Variants in TECRL observed in about 807,000 individuals in gnomAD.
TECRL encodes the protein trans-2,3-enoyl-CoA reductase like.
Under a neutral mutation model 52.8 loss-of-function variants are expected in TECRL, and 63 were observed. That is an observed-to-expected ratio of 1.19 (90% CI 0.97 to 1.47). The LOEUF is 1.47. TECRL is among the 40% of genes most tolerant of loss of function. The pLI, the probability that TECRL is intolerant of heterozygous loss-of-function variation, is 0.00. For synonymous variants in TECRL, 164 were observed against 141.9 expected, an observed-to-expected ratio of 1.16 and a Z score of -1.10; for missense variants, 482 against 429.6, an observed-to-expected ratio of 1.12 and a Z score of -1.08.
At chr4:64,403,824 A>G (rs2109788659) in intron 1 of TECRL, among the ~76,000 whole-genome samples, 1 of 151,628 alleles carries the variant, frequency 6.6e-6, no homozygotes, top group African/African-American at 2.4e-5. Context: ...TATGAGGAAG[A>G]GGCAGAAGAG....
At chr4:64,276,943 A>G (rs549310996), downstream of TECRL, 1 of 963,354 alleles carries the variant, frequency 1.0e-6, no homozygotes, top group Non-Finnish European at 1.5e-6. Flanking sequence ...TAAAGGCTAA[A>G]AATGTGTACA....
chr4:64,402,307 G>A (rs1160037599), intron 1 of TECRL, among the ~76,000 whole-genome samples: 3 of 151,580 alleles, frequency 2.0e-5, no homozygotes. Context: ...TGATACATTT[G>A]TAAAATACAA....
intron 2 of TECRL, among the ~76,000 whole-genome samples, chr4:64,330,367 G>C (rs1015833075): frequency 6.6e-6 from 1 of 152,038 alleles, no homozygotes; most frequent in African/African-American, 2.4e-5. Flanking sequence ...ATGATTGACA[G>C]GATATATATG....
At chr4:64,376,421 T>A (rs967220219) in intron 1 of TECRL, among the ~76,000 whole-genome samples, 56 of 152,062 alleles carry the variant, frequency 3.7e-4, no homozygotes, top group African/African-American at 1.3e-3. Flanking sequence ...TGCTCTTCTC[T>A]GAAAGATGTT....
chr4:64,369,504 C>A (rs1721838959), intron 2 of TECRL, among the ~76,000 whole-genome samples: 1 of 151,944 alleles, frequency 6.6e-6, no homozygotes, highest in African/African-American at 2.4e-5. Context: ...AATAACCTTT[C>A]TCAAGTAAAA....
At chr4:64,395,230 T>C (rs1389001346) in intron 1 of TECRL, among the ~76,000 whole-genome samples, 1 of 152,086 alleles carries the variant, frequency 6.6e-6, no homozygotes, top group African/African-American at 2.4e-5. Context: ...AAACGTGAAT[T>C]TTTTTAAGCC....
chr4:64,371,283 C>T (rs1183982220), intron 2 of TECRL, among the ~76,000 whole-genome samples: 1 of 150,540 alleles, frequency 6.6e-6, no homozygotes, highest in Non-Finnish European at 1.5e-5. Context: ...ATACAATTAC[C>T]TTATCATTAT....
chr4:64,370,582 C>A (rs901545483), intron 2 of TECRL, among the ~76,000 whole-genome samples: 2 of 151,680 alleles, frequency 1.3e-5, no homozygotes, highest in African/African-American at 2.4e-5. Flanking sequence ...CTAGTCCACA[C>A]AAAATCAGTG....
intron 2 of TECRL, among the ~76,000 whole-genome samples, chr4:64,364,158 C>T (rs1428916353): frequency 6.6e-6 from 1 of 151,890 alleles, no homozygotes; most frequent in Non-Finnish European, 1.5e-5. Context: ...TCCTGAATAA[C>T]TTTTGGGTAA....
chr4:64,366,403 A>T (rs144250818), intron 2 of TECRL, among the ~76,000 whole-genome samples: 14 of 152,182 alleles, frequency 9.2e-5, no homozygotes, highest in African/African-American at 2.9e-4. Flanking sequence ...AAAAGCAATG[A>T]TTAACAAATC....
intron 2 of TECRL, among the ~76,000 whole-genome samples, chr4:64,328,795 G>T (rs1718431218): frequency 6.6e-6 from 1 of 151,838 alleles, no homozygotes; most frequent in Non-Finnish European, 1.5e-5. Context: ...TTGATTTTGG[G>T]ACTTGTTATA....
chr4:64,324,370 A>C (rs1718109268), intron 3 of TECRL, among the ~76,000 whole-genome samples: 1 of 152,056 alleles, frequency 6.6e-6, no homozygotes, highest in Non-Finnish European at 1.5e-5. Context: ...AAAATGGATT[A>C]ATCTCTCAAA....
chr4:64,365,606 A>T (rs73230479), intron 2 of TECRL, among the ~76,000 whole-genome samples: 2,281 of 152,240 alleles, frequency 0.015, 72 homozygotes, highest in African/African-American at 0.052. Context: ...CTGAGAGCCA[A>T]AACAAAAATA....
chr4:64,367,757 T>G (rs550340304), intron 2 of TECRL, among the ~76,000 whole-genome samples: 1 of 152,148 alleles, frequency 6.6e-6, no homozygotes, highest in African/African-American at 2.4e-5. Context: ...GTATGTAGTA[T>G]GCTAAATAAA....
At chr4:64,376,903 T>C (rs919486595) in intron 1 of TECRL, among the ~76,000 whole-genome samples, 1 of 152,072 alleles carries the variant, frequency 6.6e-6, no homozygotes. Context: ...TAATTAACTT[T>C]TGTAGAAGTC....
chr4:64,407,899 A>G (rs910976492), intron 1 of TECRL, among the ~76,000 whole-genome samples: 14 of 151,212 alleles, frequency 9.3e-5, no homozygotes, highest in Admixed American at 7.9e-4. Context: ...AGTAAATTAT[A>G]GAAGTCCTGA....
intron 9 of TECRL, among the ~76,000 whole-genome samples, chr4:64,286,082 C>T (rs1723066823): frequency 6.6e-6 from 1 of 152,042 alleles, no homozygotes; most frequent in East Asian, 1.9e-4. Flanking sequence ...CATGATGCTT[C>T]TGTGTGAATA....
intron 2 of TECRL, among the ~76,000 whole-genome samples, chr4:64,356,170 C>T (rs1295020342): frequency 1.3e-5 from 2 of 152,128 alleles, no homozygotes; most frequent in Non-Finnish European, 2.9e-5. Flanking sequence ...CAATGCACTG[C>T]AGAAAGCTGC....
At chr4:64,374,491 A>G (rs1490833746) in intron 2 of TECRL, among the ~76,000 whole-genome samples, 1 of 151,742 alleles carries the variant, frequency 6.6e-6, no homozygotes, top group Non-Finnish European at 1.5e-5. Context: ...TACATGTGCC[A>G]TGTTGGTGTG....
Sources: allele counts gnomAD v4.1 joint callset (sites outside exome capture counted in the v4.1 genomes callset), GRCh38; gene constraint gnomAD v4.1.1; transcripts MANE v1.5; gene names NCBI Gene and HGNC (gene_info 2026-07-23, HGNC 2026-07-21).